The following GRIP1 variants were observed in gnomAD, a reference collection of about 807,000 sequenced individuals.
The protein encoded by GRIP1 is glutamate receptor interacting protein 1, also known as glutamate receptor-interacting protein 1.
In GRIP1, 45 loss-of-function variants were observed where a neutral mutation model predicts 129.9. That is an observed-to-expected ratio of 0.35 (90% CI 0.27 to 0.44). The LOEUF is 0.44. GRIP1 is among the 20% of genes least tolerant of loss of function. The probability of loss-of-function intolerance (pLI) is 1.00; values close to 1 mark genes in which losing one functional copy is unlikely to be tolerated. For missense variants in GRIP1, 1,196 were observed against 1,396.8 expected (o/e 0.86, Z 2.29); for synonymous variants, 530 against 520.8 (o/e 1.02, Z -0.24).
rs201508790 is a variant in GRIP1, at chr12:66,353,578, T to A, written c.3013-15A>T. On this transcript the variant is annotated splice_polypyrimidine_tract_variant and intron_variant, in intron 23 of 24. Coordinates refer to ENST00000359742, the MANE Select transcript of GRIP1 (RefSeq NM_001366722.1). The stretch of plus-strand genomic sequence containing the variant: ...TACAAGGTCACCTGAAGAGAGAAAA[T>A]GGGATGTGAATATTTAGCTGGGGTG... 10 of 1,613,192 alleles carry A rather than the reference T, an allele frequency of 6.2e-6. No homozygotes were observed. In the East Asian group the frequency reaches 2.0e-4, roughly 32 times the overall value.
chr12:66,596,974 A>T (rs2064077592), intron 1 of GRIP1, 47 bp from the exon 2 acceptor site: 1 of 1,240,000 alleles, frequency 8.1e-7, no homozygotes, highest in East Asian at 2.3e-5. Context: ...TCCAGTTTCT[A>T]ATGCAGTGAA....
At chr12:66,943,302 G>C (rs2041616607) in intron 1 of GRIP1, among the ~76,000 whole-genome samples, 1 of 152,210 alleles carries the variant, frequency 6.6e-6, no homozygotes, top group African/African-American at 2.4e-5. Flanking sequence ...GCCAGAGATG[G>C]GAAAGCTTGA....
intron 1 of GRIP1, among the ~76,000 whole-genome samples, chr12:66,917,200 T>C (rs1334376158): frequency 6.6e-6 from 1 of 152,240 alleles, no homozygotes; most frequent in Non-Finnish European, 1.5e-5. Context: ...TTTTAACCTT[T>C]CTATACTTTT....
chr12:66,838,822 G>C (rs2039663865), intron 1 of GRIP1, among the ~76,000 whole-genome samples: 1 of 152,176 alleles, frequency 6.6e-6, no homozygotes, highest in African/African-American at 2.4e-5. Context: ...TGACAGAATA[G>C]GCACAAGGAT....
intron 1 of GRIP1, among the ~76,000 whole-genome samples, chr12:66,950,746 C>T (rs977528183): frequency 1.3e-5 from 2 of 152,002 alleles, no homozygotes; most frequent in Non-Finnish European, 2.9e-5. Context: ...AAATTTGACA[C>T]ATTAATATTC....
Position 66,870,965 on chromosome 12 carries a change from C to A in GRIP1, c.58+198085G>T, listed in dbSNP as rs563922265. On this transcript the variant is annotated intron_variant, in intron 1 of 1. Coordinates refer to the GRIP1 transcript ENST00000643019. Reference sequence around the variant, plus strand: ...AGTAGTTGAGAATGTGAGATTTGCACTCAAAGCCTAATTTTTACCATTTAT... The same window carrying A: ...AGTAGTTGAGAATGTGAGATTTGCAATCAAAGCCTAATTTTTACCATTTAT... Among the ~76,000 whole-genome samples the A allele has an allele frequency of 5.9e-5, 9 of 152,224 alleles. No individual in the cohort carries two copies. In the South Asian group the frequency reaches 1.9e-3, roughly 32 times the overall value.
At chr12:66,896,913 T>C (rs2040759379) in intron 1 of GRIP1, among the ~76,000 whole-genome samples, 1 of 152,198 alleles carries the variant, frequency 6.6e-6, no homozygotes, top group African/African-American at 2.4e-5. Flanking sequence ...TCAAGGCATT[T>C]TCCAGACACT....
chr12:66,451,385 T>G (rs1441446591), intron 11 of GRIP1, among the ~76,000 whole-genome samples: 2 of 26,912 alleles, frequency 7.4e-5, no homozygotes. Flanking sequence ...TATAATCTGT[T>G]TTTTTTTTTT....
At chr12:66,414,100 C>G (rs2057497830) in intron 15 of GRIP1, among the ~76,000 whole-genome samples, 1 of 151,906 alleles carries the variant, frequency 6.6e-6, no homozygotes, top group Non-Finnish European at 1.5e-5. Flanking sequence ...CTGACCAGGG[C>G]AATCAGGCAA....
At position 66,623,644 on chromosome 12, in the gene GRIP1, C is replaced by T. The variant is rs1007980627; in HGVS notation, c.56-26717G>A. Among the ~76,000 whole-genome samples, 57 of 152,180 alleles carry T rather than the reference C, an allele frequency of 3.7e-4. 1 individual carries two copies. Among genetic ancestry groups the T allele is most frequent in the African/African-American group, 1.4e-3 (56 of 41,464 alleles). On this transcript the variant is annotated intron_variant, in intron 1 of 24. Transcript: ENST00000359742. ...ACTGGGGCTCACATACCAGTCATCC[C>T]TTCCCTCTTTCTGTTTCTTCTCAGA...
chr12:67,013,159 T>C (rs1008650385), intron 1 of GRIP1, among the ~76,000 whole-genome samples: 36 of 152,116 alleles, frequency 2.4e-4, no homozygotes, highest in Admixed American at 1.8e-3. Flanking sequence ...AAAATAAATA[T>C]TGCTGTTTCT....
intron 1 of GRIP1, among the ~76,000 whole-genome samples, chr12:66,743,598 G>C (rs11612962): frequency 2.8e-5 from 4 of 140,866 alleles, no homozygotes; most frequent in Admixed American, 1.4e-4. Flanking sequence ...CTTTTTTTTT[G>C]TGTGTGTGTG....
Position 66,465,309 on chromosome 12 carries a change from T to C in GRIP1, c.838A>G (p.Ile280Val). ...SMCCNKQVIVIDKIKSASIAD... is the reference protein window; with the variant it reads ...SMCCNKQVIVVDKIKSASIAD... The stretch of plus-strand genomic sequence containing the variant: ...ATACTTGCAGATTTGATTTTGTCTA[T>C]GACAATGACTTGTTTGTTACAGCAC... The change falls in exon 8 of 25, where the codon ATA becomes GTA. Residue 280 changes from isoleucine to valine, a missense_variant. Transcript: ENST00000359742. 2 of 1,614,012 alleles carry C rather than the reference T, an allele frequency of 1.2e-6. No homozygotes were observed. The highest frequency in any genetic ancestry group is 1.7e-6 in the Non-Finnish European group (2 of 1,179,860).
intron 1 of GRIP1, among the ~76,000 whole-genome samples, chr12:66,685,082 T>C (rs915535343): frequency 8.5e-5 from 13 of 152,110 alleles, no homozygotes; most frequent in Non-Finnish European, 1.6e-4. Context: ...CCCACCTGAC[T>C]GCCAGCATCC....
chr12:66,814,155 T>A (rs2039159366), intron 1 of GRIP1, among the ~76,000 whole-genome samples: 2 of 151,966 alleles, frequency 1.3e-5, no homozygotes, highest in Non-Finnish European at 2.9e-5. Context: ...AATCTATGAA[T>A]TTTATTTTAG....
intron 7 of GRIP1, among the ~76,000 whole-genome samples, chr12:66,497,126 T>C (rs775941334): frequency 6.6e-6 from 1 of 152,178 alleles, no homozygotes; most frequent in Non-Finnish European, 1.5e-5. Flanking sequence ...ATGCATGTAG[T>C]GGCAAAAATG....
chr12:66,565,215 T>C (rs1053284425), intron 2 of GRIP1, among the ~76,000 whole-genome samples: 2 of 152,212 alleles, frequency 1.3e-5, no homozygotes, highest in African/African-American at 4.8e-5. Context: ...ATGGCCTGAA[T>C]GGTATTGCCT....
intron 2 of GRIP1, among the ~76,000 whole-genome samples, chr12:66,559,086 T>C (rs1339398855): frequency 2.0e-5 from 3 of 151,414 alleles, no homozygotes; most frequent in Non-Finnish European, 4.4e-5. Flanking sequence ...CACATGATCA[T>C]CTCAATTGAT....
At chr12:66,445,653 GA>G (rs2058601992) in intron 11 of GRIP1, 145 bp from the exon 12 acceptor site, 2 of 611,268 alleles carry the variant, frequency 3.3e-6, no homozygotes, top group Non-Finnish European at 5.8e-6. Flanking sequence ...AGCAAGAGTT[GA>G]AAAAGATAAA....
Sources: allele counts gnomAD v4.1 joint callset (sites outside exome capture counted in the v4.1 genomes callset), GRCh38; gene constraint gnomAD v4.1.1; transcripts MANE v1.5; gene names NCBI Gene and HGNC (gene_info 2026-07-23, HGNC 2026-07-21).